Variants in PACRG observed in about 807,000 individuals in gnomAD.
PACRG encodes parkin coregulated gene protein.
PACRG carries 29 observed loss-of-function variants against 29.7 expected under a neutral mutation model. The observed-to-expected ratio is 0.98, with a 90% CI of 0.73 to 1.33. The LOEUF (loss-of-function observed/expected upper bound fraction) is 1.33. Ranked by LOEUF, PACRG falls within the 40% of genes most tolerant of loss-of-function variation. PACRG has a pLI of 0.00. For synonymous variants in PACRG, 116 were observed against 118.7 expected (o/e 0.98, Z 0.15); for missense variants, 279 against 316.2 (o/e 0.88, Z 0.89).
chr6:163,235,449 A>G (rs1782198660), intron 4 of PACRG, among the ~76,000 whole-genome samples: 1 of 152,184 alleles, frequency 6.6e-6, no homozygotes, highest in Non-Finnish European at 1.5e-5. Context: ...GTTGGTGACT[A>G]GAAAATGTAT....
intron 2 of PACRG, among the ~76,000 whole-genome samples, chr6:162,984,164 C>A (rs1273102668): frequency 2.0e-5 from 3 of 151,846 alleles, no homozygotes; most frequent in Non-Finnish European, 4.4e-5. Flanking sequence ...GTCTTTTATT[C>A]TTCACCACCC....
At chr6:162,850,293 A>G (rs995926560) in intron 2 of PACRG, among the ~76,000 whole-genome samples, 1 of 152,252 alleles carries the variant, frequency 6.6e-6, no homozygotes, top group African/African-American at 2.4e-5. Flanking sequence ...TGCATAGATT[A>G]AAACTATGAT....
At chr6:163,200,678 A>G (rs1780659889) in intron 4 of PACRG, among the ~76,000 whole-genome samples, 1 of 152,182 alleles carries the variant, frequency 6.6e-6, no homozygotes, top group Non-Finnish European at 1.5e-5. Flanking sequence ...GACACCTGAT[A>G]TGATCATTGA....
chr6:163,203,819 C>A (rs1037991260), intron 4 of PACRG, among the ~76,000 whole-genome samples: 1 of 152,172 alleles, frequency 6.6e-6, no homozygotes, highest in African/African-American at 2.4e-5. Context: ...TGAGCTGATG[C>A]ATGTAAAAGC....
At chr6:163,292,888 G>A (rs576364758) in intron 4 of PACRG, among the ~76,000 whole-genome samples, 48 of 152,168 alleles carry the variant, frequency 3.2e-4, no homozygotes, top group East Asian at 2.1e-3. Context: ...TTCCTTGTGC[G>A]TTGCTATTAC....
intron 4 of PACRG, among the ~76,000 whole-genome samples, chr6:163,152,520 T>C (rs533119567): frequency 4.9e-4 from 74 of 152,344 alleles, no homozygotes; most frequent in African/African-American, 1.4e-3. Flanking sequence ...CTGTTTCTAT[T>C]TTGCCTTCAT....
chr6:163,022,159 A>C (rs1483074589), intron 2 of PACRG, among the ~76,000 whole-genome samples: 1 of 152,156 alleles, frequency 6.6e-6, no homozygotes, highest in Non-Finnish European at 1.5e-5. Context: ...GCTGAAACCC[A>C]CTGACTCATT....
chr6:163,244,031 AG>A (rs1490591530), intron 4 of PACRG, among the ~76,000 whole-genome samples: 1 of 152,232 alleles, frequency 6.6e-6, no homozygotes, highest in African/African-American at 2.4e-5. Flanking sequence ...AATTTGACAC[AG>A]AGATTTTGTC....
At chr6:163,019,074 A>G (rs1806362224) in intron 2 of PACRG, among the ~76,000 whole-genome samples, 1 of 152,170 alleles carries the variant, frequency 6.6e-6, no homozygotes, top group Non-Finnish European at 1.5e-5. Context: ...CATTTAAAAA[A>G]TATGTGATCT....
intron 4 of PACRG, among the ~76,000 whole-genome samples, chr6:163,280,986 G>T (rs1269573708): frequency 6.6e-6 from 1 of 152,152 alleles, no homozygotes; most frequent in East Asian, 1.9e-4. Flanking sequence ...GGAGGGAATG[G>T]AAGAGAAGAT....
intron 1 of PACRG, among the ~76,000 whole-genome samples, chr6:162,805,609 C>T (rs1786253662): frequency 6.6e-6 from 1 of 152,174 alleles, no homozygotes; most frequent in Non-Finnish European, 1.5e-5. Flanking sequence ...ATTTGATGCA[C>T]AGTAAAACTT....
intron 1 of PACRG, among the ~76,000 whole-genome samples, chr6:162,796,152 C>T (rs1785365407): frequency 6.6e-6 from 1 of 152,140 alleles, no homozygotes; most frequent in African/African-American, 2.4e-5. Context: ...TCCATATCTT[C>T]TTCTTGCCTT....
At chr6:162,879,059 A>G (rs1793609921) in intron 2 of PACRG, among the ~76,000 whole-genome samples, 1 of 152,178 alleles carries the variant, frequency 6.6e-6, no homozygotes, top group Non-Finnish European at 1.5e-5. Flanking sequence ...ATACAGTCTA[A>G]ATGCCTTCCT....
At chr6:162,998,589 A>G (rs1163062874) in intron 2 of PACRG, among the ~76,000 whole-genome samples, 1 of 152,148 alleles carries the variant, frequency 6.6e-6, no homozygotes, top group Non-Finnish European at 1.5e-5. Context: ...TCTTTTCTTT[A>G]TGAGAATTCA....
intron 4 of PACRG, among the ~76,000 whole-genome samples, chr6:163,154,141 G>T (rs1197525130): frequency 6.6e-6 from 1 of 152,238 alleles, no homozygotes; most frequent in Non-Finnish European, 1.5e-5. Context: ...CAGAATTGGG[G>T]TGCCCTTAAC....
chr6:163,269,462 T>C (rs1783652660), intron 4 of PACRG, among the ~76,000 whole-genome samples: 1 of 152,212 alleles, frequency 6.6e-6, no homozygotes, highest in Non-Finnish European at 1.5e-5. Context: ...CCATGGAGCT[T>C]CCCAAATTCC....
At chr6:163,302,742 A>T (rs920167865) in intron 4 of PACRG, among the ~76,000 whole-genome samples, 11 of 152,242 alleles carry the variant, frequency 7.2e-5, no homozygotes, top group Admixed American at 5.9e-4. Context: ...ATATTCGGGG[A>T]AACATCCAAT....
intron 4 of PACRG, among the ~76,000 whole-genome samples, chr6:163,123,434 T>C (rs755535905): frequency 6.6e-6 from 1 of 152,336 alleles, no homozygotes; most frequent in African/African-American, 2.4e-5. Context: ...GGAAATGGTT[T>C]GGGGGGTCGC....
chr6:163,298,157 C>T lies in PACRG; in HGVS notation c.614-16670C>T, dbSNP rs192215049. ...CTTCTGAGATCTTCTGGTCTACTCC[C>T]TAGCTTCCCAGGGTGATAAGATGAG... On this transcript the variant is annotated intron_variant, in intron 4 of 4. Transcript: ENST00000366888. Among the ~76,000 whole-genome samples, 120 of 152,140 alleles carry T rather than the reference C, an allele frequency of 7.9e-4. 1 individual carries two copies. Among genetic ancestry groups the T allele is most frequent in the South Asian group, 2.5e-3 (12 of 4,820 alleles).
Sources: allele counts gnomAD v4.1 joint callset (sites outside exome capture counted in the v4.1 genomes callset), GRCh38; gene constraint gnomAD v4.1.1; transcripts MANE v1.5; gene names NCBI Gene and HGNC (gene_info 2026-07-23, HGNC 2026-07-21).